SRSF5: variants seen among roughly 807,000 people sequenced by gnomAD.
SRSF5 encodes serine and arginine rich splicing factor 5.
A neutral mutation model predicts 34.0 loss-of-function variants in SRSF5; 5 were observed. The observed-to-expected ratio is 0.15, with a 90% confidence interval of 0.08 to 0.31. SRSF5 has a LOEUF of 0.31. Among genes scored for constraint, SRSF5 ranks in the 10% least tolerant of loss-of-function variants. The probability of loss-of-function intolerance (pLI) is 1.00; values close to 1 mark genes in which losing one functional copy is unlikely to be tolerated. For missense variants in SRSF5, 223 were observed against 351.4 expected, an observed-to-expected ratio of 0.63 and a Z score of 2.92; for synonymous variants, 164 against 117.7, an observed-to-expected ratio of 1.39 and a Z score of -2.55.
rs1555351256 is a variant in SRSF5, at chr14:69,770,559, G to A, written c.440+19G>A. 3.1e-6 allele frequency: 5 copies of A among 1,601,592 alleles called. No homozygotes were observed. In the South Asian group the frequency reaches 5.6e-5, roughly 18 times the overall value. ...ATGAAGGGTATGTACTGGAAACTGT[G>A]AAAGTCTTTAAAAATATCCGGAAAA... On this transcript the variant is annotated intron_variant, in intron 6 of 7. Coordinates refer to ENST00000557154, the MANE Select transcript of SRSF5 (RefSeq NM_001320214.2).
chr14:69,769,848 G>A, intron 5 of SRSF5: 1 of 1,266,508 alleles, frequency 7.9e-7, no homozygotes, highest in Non-Finnish European at 9.9e-7. Flanking sequence ...GTGGTCCTTG[G>A]TAACTGCTCG....
At position 69,770,039 on chromosome 14, in the gene SRSF5, A is replaced by G. The variant is rs929232340; in HGVS notation, c.367-428A>G. On this transcript the variant is annotated intron_variant, in intron 5 of 7. Coordinates refer to ENST00000557154, the MANE Select transcript of SRSF5 (RefSeq NM_001320214.2). ...TTGACTAGCCTAGGGAAATAATAAT[A>G]AAGGTAAAGTAAACTTTTTTAATGA... The G allele has an allele frequency of 5.9e-6, 6 of 1,019,804 alleles. No individual in the cohort carries two copies. The Admixed American group carries it at 1.6e-4, about 28-fold the overall frequency. 63.2% of individuals were successfully genotyped at this position (1,019,804 alleles called of 1,614,324 possible).
chr14:69,768,695 G>A (rs1475013636), intron 3 of SRSF5, 21 bp downstream of exon 3: 3 of 1,613,442 alleles, frequency 1.9e-6, no homozygotes, highest in Non-Finnish European at 2.5e-6. Context: ...TGTGTAACTA[G>A]ATAACCCTGG....
chr14:69,769,968 G>A, intron 5 of SRSF5: 1 of 1,051,930 alleles, frequency 9.5e-7, no homozygotes, highest in East Asian at 8.1e-5. Flanking sequence ...AGAGCCAGTC[G>A]GGCATATGTC....
Position 69,771,467 on chromosome 14 carries a change from A to G in SRSF5, c.*6A>G, listed in dbSNP as rs753150399. The G allele has an allele frequency of 5.6e-6, 9 of 1,609,730 alleles. No individual in the cohort carries two copies. The highest frequency in any genetic ancestry group is 7.6e-6 in the Non-Finnish European group (9 of 1,177,434). On this transcript the variant is annotated 3_prime_UTR_variant, in exon 8 of 8. Transcript: ENST00000557154. ...CAGTTGACAGTGGCAATTAAACTGT[A>G]AATAACTTGCCCTGGGGGCCTTTTT...
intron 1 of SRSF5, chr14:69,767,535 C>T (rs908840722): frequency 1.1e-5 from 5 of 455,864 alleles, no homozygotes; most frequent in African/African-American, 6.0e-5. Context: ...AATAGTGGGC[C>T]GGGATCTCCC....
intron 6 of SRSF5, 89 bp from the exon 7 acceptor site, chr14:69,770,906 A>G (rs963235338): frequency 2.3e-5 from 26 of 1,137,992 alleles, no homozygotes; most frequent in Non-Finnish European, 2.9e-5. Context: ...AGCAAAAGTG[A>G]ACATAGAAAC....
chr14:69,767,153 A>C lies in SRSF5; in HGVS notation c.-122A>C. On this transcript the variant is annotated 5_prime_UTR_variant, in exon 1 of 8. Coordinates refer to ENST00000557154, the MANE Select transcript of SRSF5 (RefSeq NM_001320214.2). ...GAGCTGCTAAGTGCGTCAGTTGTGG[A>C]GTGGCGTAGACGAGTTAAGTCCTGG... The C allele has an allele frequency of 3.1e-6, 1 of 318,516 alleles. No homozygotes were observed. The highest frequency in any genetic ancestry group is 6.3e-6 in the Non-Finnish European group (1 of 159,234). The allele number at this position is 318,516 out of a possible 1,614,324, so 19.7% of individuals were successfully genotyped here.
chr14:69,770,967 C>T (rs1286388607), intron 6 of SRSF5, 28 bp from the exon 7 acceptor site: 7 of 1,591,852 alleles, frequency 4.4e-6, no homozygotes, highest in Non-Finnish European at 6.0e-6. Flanking sequence ...GATGTATATA[C>T]TTTAAAAGTG....
At chr14:69,768,423 A>G in intron 2 of SRSF5, 141 bp downstream of exon 2, 10 of 1,361,442 alleles carry the variant, frequency 7.3e-6, no homozygotes, top group Middle Eastern at 2.6e-4. Context: ...TTGAGGCTGA[A>G]AACAACTTTA....
At chr14:69,768,517 C>A in intron 2 of SRSF5, 87 bp from the exon 3 acceptor site, 2 of 1,367,550 alleles carry the variant, frequency 1.5e-6, no homozygotes, top group Non-Finnish European at 1.0e-6. Flanking sequence ...ATACTCTTCC[C>A]ATTCTGTCTC....
rs535153788 is a variant in SRSF5 at position 69,771,153 on chromosome 14, G to T, written c.552-41G>T. On this transcript the variant is annotated intron_variant, in intron 7 of 7. Coordinates refer to ENST00000557154, the MANE Select transcript of SRSF5 (RefSeq NM_001320214.2). Reference sequence around the variant, plus strand: ...AAAAGTTGTATTTAATGGGTTTGTTGTAGAGTCTTATCTAGGCTGATTTCT... The same window carrying T: ...AAAAGTTGTATTTAATGGGTTTGTTTTAGAGTCTTATCTAGGCTGATTTCT... 5.0e-6 allele frequency: 8 copies of T among 1,613,600 alleles called. No individual in the cohort carries two copies. The African/African-American group carries it at 9.3e-5, about 19-fold the overall frequency.
At chr14:69,770,829 A>T (rs1883116269) in intron 6 of SRSF5, 166 bp from the exon 7 acceptor site, 3 of 707,866 alleles carry the variant, frequency 4.2e-6, no homozygotes, top group Non-Finnish European at 7.1e-6. Context: ...GGCTCAAAGT[A>T]TAACAGTGCC....
chr14:69,771,427 G>T lies in SRSF5; in HGVS notation c.785G>T (p.Arg262Leu). ...ASVDRQRSRS[R>L]SRSRSVDSGN Reference sequence around the variant, plus strand: ...GTGGATCGCCAGAGGTCCCGGTCCCGATCAAGGTCCAGATCAGTTGACAGT... The same window carrying T: ...GTGGATCGCCAGAGGTCCCGGTCCCTATCAAGGTCCAGATCAGTTGACAGT... Residue 262 changes from arginine to leucine, a missense_variant, in exon 8 of 8, where the codon CGA becomes CTA. Around this residue, in one of 4 missense-constraint regions of SRSF5, gnomAD observed 115 missense variants for 119.7 expected, o/e 0.96. Transcript: ENST00000557154. 3 of 1,614,110 alleles carry T rather than the reference G, an allele frequency of 1.9e-6. No individual in the cohort carries two copies. Among genetic ancestry groups the T allele is most frequent in the Non-Finnish European group, 2.5e-6 (3 of 1,179,956 alleles).
Position 69,771,764 on chromosome 14 carries a change from C to A in SRSF5, c.*303C>A. ...CTAAAGCAAATTTAATTTTTTTGTA[C>A]TAGAAAAAAATTTGAACATTTTAGT... On this transcript the variant is annotated 3_prime_UTR_variant, in exon 8 of 8. Transcript: ENST00000557154. 2 of 253,734 alleles carry A rather than the reference C, an allele frequency of 7.9e-6. No homozygotes were observed. Among genetic ancestry groups the A allele is most frequent in the Admixed American group, 5.0e-5 (1 of 19,986 alleles). 15.7% of individuals were successfully genotyped at this position (253,734 alleles called of 1,614,324 possible). A position where few individuals can be genotyped will look rare whatever the true frequency, so the allele number is the denominator to read the frequency against.
At chr14:69,769,369 G>A in intron 5 of SRSF5, 118 bp downstream of exon 5, 1 of 1,505,682 alleles carries the variant, frequency 6.6e-7, no homozygotes, top group Non-Finnish European at 8.9e-7. Context: ...TAATGGAATT[G>A]TAATTTTAAA....
rs61164981 is a variant in SRSF5 at position 69,767,192 on chromosome 14, C to G, written c.-83C>G. On this transcript the variant is annotated 5_prime_UTR_variant, in exon 1 of 8. Coordinates refer to ENST00000557154, the MANE Select transcript of SRSF5 (RefSeq NM_001320214.2). The stretch of plus-strand genomic sequence containing the variant: ...GTTAAGTCCTGGTCTGCGTGGAGGT[C>G]GACGACTCCGTCGCAGACTACGGAC... 2.6e-3 allele frequency: 912 copies of G among 356,346 alleles called. 9 individuals carry two copies. The highest frequency in any genetic ancestry group is 0.018 in the African/African-American group (863 of 46,720). The allele number at this position is 356,346 out of a possible 1,614,324, so 22.1% of individuals were successfully genotyped here. A position where few individuals can be genotyped will look rare whatever the true frequency, so the allele number is the denominator to read the frequency against.
intron 4 of SRSF5, 86 bp downstream of exon 4, chr14:69,768,982 G>A: frequency 7.0e-7 from 1 of 1,430,736 alleles, no homozygotes; most frequent in Non-Finnish European, 9.8e-7. Flanking sequence ...GATGATTTTG[G>A]GTCCTGCCGT....
chr14:69,769,184 A>G lies in SRSF5; in HGVS notation c.299A>G (p.Asn100Ser). 6.2e-7 allele frequency: 1 copy of G among 1,614,216 alleles called. No homozygotes were observed. Among genetic ancestry groups the G allele is most frequent in the Non-Finnish European group, 8.5e-7 (1 of 1,180,026 alleles). The change falls in exon 5 of 8, where the codon AAT (asparagine) becomes AGT (serine). Residue 100 changes from asparagine (N) to serine (S), a missense_variant and splice_region_variant. Physicochemically the swap from Asn to Ser is conservative, Grantham distance 46. Around this residue, in one of 4 missense-constraint regions of SRSF5, gnomAD observed 44 missense variants for 44.3 expected, o/e 0.99. Coordinates refer to ENST00000557154, the MANE Select transcript of SRSF5 (RefSeq NM_001320214.2). The stretch of plus-strand genomic sequence containing the variant: ...TGAATACGAATTTTCTTCCTCAGAA[A>G]TGCTCCACCTGTAAGAACAGAAAAT... ...SSRRPRNDRR[N>S]APPVRTENRL...
Sources: allele counts gnomAD v4.1 joint callset, GRCh38; gene constraint gnomAD v4.1.1; regional missense constraint gnomAD v4.1.1; transcripts MANE v1.5; gene names NCBI Gene and HGNC (gene_info 2026-07-23, HGNC 2026-07-21).